The following KIF16B variants were observed in gnomAD, a reference collection of about 807,000 sequenced individuals.
KIF16B encodes kinesin-like protein KIF16B.
A neutral mutation model predicts 156.3 loss-of-function variants in KIF16B; 98 were observed. The ratio of observed to expected loss-of-function variants is 0.63; its 90% CI spans 0.53 to 0.74. The LOEUF (loss-of-function observed/expected upper bound fraction) is 0.74. Among genes scored for constraint, KIF16B ranks in the 30% least tolerant of loss-of-function variants. KIF16B has a pLI of 0.00. For missense variants in KIF16B, 1,421 were observed against 1,606.5 expected (o/e 0.88, Z 1.97); for synonymous variants, 564 against 583.7 (o/e 0.97, Z 0.49).
At chr20:16,277,744 T>G (rs2063085411) in intron 25 of KIF16B, among the ~76,000 whole-genome samples, 1 of 152,042 alleles carries the variant, frequency 6.6e-6, no homozygotes. Context: ...TATTAGGAGT[T>G]TAAGTGACTT....
intron 12 of KIF16B, among the ~76,000 whole-genome samples, chr20:16,471,272 C>T (rs985297936): frequency 6.6e-6 from 1 of 152,108 alleles, no homozygotes; most frequent in East Asian, 1.9e-4. Context: ...GAAAAAATTC[C>T]TTGATTTGGG....
chr20:16,391,084 G>A (rs1423135733), intron 17 of KIF16B, among the ~76,000 whole-genome samples: 2 of 152,128 alleles, frequency 1.3e-5, no homozygotes, highest in East Asian at 3.9e-4. Flanking sequence ...ATTGTGATGA[G>A]CATAGTGTGG....
At chr20:16,493,975 A>T (rs2068373497) in intron 12 of KIF16B, among the ~76,000 whole-genome samples, 1 of 152,226 alleles carries the variant, frequency 6.6e-6, no homozygotes, top group Non-Finnish European at 1.5e-5. Context: ...AACAAAGTGA[A>T]TATCCTTGAA....
chr20:16,384,331 T>C (rs2065176480), intron 17 of KIF16B, among the ~76,000 whole-genome samples: 1 of 152,180 alleles, frequency 6.6e-6, no homozygotes, highest in African/African-American at 2.4e-5. Flanking sequence ...CATGGGGTAC[T>C]GACCCCAGAA....
At chr20:16,381,956 T>C in intron 17 of KIF16B, 1 of 791,092 alleles carries the variant, frequency 1.3e-6, no homozygotes, top group Non-Finnish European at 1.9e-6. Flanking sequence ...GAACTCAGGC[T>C]GAAAAGAACA....
intron 15 of KIF16B, among the ~76,000 whole-genome samples, chr20:16,426,016 T>C (rs947867460): frequency 4.0e-4 from 61 of 152,100 alleles, no homozygotes; most frequent in African/African-American, 1.4e-3. Context: ...CACTTTTAAA[T>C]CATCAGCTCT....
At chr20:16,528,506 A>G (rs913708737) in intron 1 of KIF16B, 66 bp from the exon 2 acceptor site, 2 of 1,181,634 alleles carry the variant, frequency 1.7e-6, no homozygotes, top group Non-Finnish European at 2.5e-6. Flanking sequence ...ACAAAACTAA[A>G]CCCATTTGTT....
Position 16,367,595 on chromosome 20 carries a change from C to T in KIF16B, c.3498+2991G>A, listed in dbSNP as rs1340607389. The T allele has an allele frequency of 3.1e-6, 5 of 1,612,856 alleles. No homozygotes were observed. The East Asian group carries it at 6.7e-5, about 22-fold the overall frequency. On this transcript the variant is annotated intron_variant, in intron 22 of 25. Transcript: ENST00000354981. ...GTTGTGTAGAGCAGTAACTGAACTT[C>T]TGCCAGGGAAGGGACATTGACTTCC...
At chr20:16,403,243 C>T (rs1275088105) in intron 17 of KIF16B, among the ~76,000 whole-genome samples, 4 of 152,186 alleles carry the variant, frequency 2.6e-5, no homozygotes, top group Admixed American at 2.0e-4. Flanking sequence ...CAATATTTAA[C>T]GGATGGGATC....
At chr20:16,542,137 G>A (rs140007408) in intron 1 of KIF16B, among the ~76,000 whole-genome samples, 105 of 152,310 alleles carry the variant, frequency 6.9e-4, no homozygotes, top group African/African-American at 2.4e-3. Flanking sequence ...GAGCTAGACA[G>A]AAGGCAGATA....
At chr20:16,489,696 CA>C (rs36070522) in intron 12 of KIF16B, among the ~76,000 whole-genome samples, 19,866 of 125,418 alleles carry the variant, frequency 0.16, 2,281 homozygotes, top group African/African-American at 0.35. Flanking sequence ...AATCCTGTCT[CA>C]AAAAAAAAAA....
chr20:16,369,124 C>T lies in KIF16B; in HGVS notation c.3498+1462G>A, dbSNP rs1488808120. The T allele has an allele frequency of 5.1e-6, 5 of 985,718 alleles. No homozygotes were observed. In the African/African-American group the frequency reaches 8.7e-5, roughly 17 times the overall value. 61.1% of individuals were successfully genotyped at this position (985,718 alleles called of 1,614,324 possible). Reference sequence around the variant, plus strand: ...TGATGCTGAGGAAGTTGTTTTAGGGCCTGAGACGCTCCACAGCATGGGATG... The same window carrying T: ...TGATGCTGAGGAAGTTGTTTTAGGGTCTGAGACGCTCCACAGCATGGGATG... On this transcript the variant is annotated intron_variant, in intron 22 of 25. Transcript: ENST00000354981.
rs567698918 is a variant in KIF16B at position 16,404,181 on chromosome 20, C to A, written c.1784+632G>T. ...CCTCCATTATTTTACATGAGATTAT[C>A]CTGGTAGGAAAGATAAAATTATGGA... is the stretch of plus-strand genomic sequence containing the variant. On this transcript the variant is annotated intron_variant, in intron 17 of 25. Coordinates refer to ENST00000354981, the MANE Select transcript of KIF16B (RefSeq NM_024704.5). Among the ~76,000 whole-genome samples, 8 of 152,216 alleles carry A rather than the reference C, an allele frequency of 5.3e-5. No homozygotes were observed. In the South Asian group the frequency reaches 1.5e-3, roughly 28 times the overall value.
chr20:16,490,418 G>A (rs1297321521), intron 12 of KIF16B, among the ~76,000 whole-genome samples: 1 of 152,112 alleles, frequency 6.6e-6, no homozygotes, highest in Non-Finnish European at 1.5e-5. Context: ...GTGGACACCT[G>A]TAATCCCAGC....
At chr20:16,406,242 A>G (rs1010795858) in intron 16 of KIF16B, 132 bp downstream of exon 16, 6 of 741,760 alleles carry the variant, frequency 8.1e-6, no homozygotes, top group South Asian at 1.6e-5. Context: ...CCTAGAATCA[A>G]TCCAGATCAC....
chr20:16,294,564 T>C (rs2063356277), intron 25 of KIF16B, among the ~76,000 whole-genome samples: 1 of 152,174 alleles, frequency 6.6e-6, no homozygotes, highest in Non-Finnish European at 1.5e-5. Flanking sequence ...TCATCCTCTC[T>C]TGTTTGAGAA....
At chr20:16,284,630 G>T (rs1380342889) in intron 25 of KIF16B, among the ~76,000 whole-genome samples, 1 of 152,060 alleles carries the variant, frequency 6.6e-6, no homozygotes, top group Non-Finnish European at 1.5e-5. Flanking sequence ...TCTCCCTTTC[G>T]CCATGTCGTG....
chr20:16,512,472 A>T (rs1600587609), intron 5 of KIF16B, among the ~76,000 whole-genome samples: 2 of 152,328 alleles, frequency 1.3e-5, no homozygotes, highest in Admixed American at 1.3e-4. Context: ...ATAATGATCC[A>T]ACCAACACAA....
intron 15 of KIF16B, among the ~76,000 whole-genome samples, chr20:16,407,899 A>T (rs1362014957): frequency 6.6e-6 from 1 of 152,112 alleles, no homozygotes; most frequent in Non-Finnish European, 1.5e-5. Flanking sequence ...CTTTTCTAGC[A>T]TTCCTTCAAA....
Sources: gnomAD v4.1 joint callset for allele counts (sites outside exome capture counted in the v4.1 genomes callset) on GRCh38, gnomAD v4.1.1 for gene constraint, MANE v1.5 for transcripts, NCBI Gene and HGNC (gene_info 2026-07-23, HGNC 2026-07-21) for gene names.